WDR37: variants seen among roughly 807,000 people sequenced by gnomAD.
WDR37 encodes WD repeat domain 37.
Under a neutral mutation model 62.9 loss-of-function variants are expected in WDR37, and 19 were observed. The ratio of observed to expected loss-of-function variants is 0.30; its 90% CI spans 0.21 to 0.44. WDR37 has a LOEUF of 0.44. WDR37 is among the 20% of genes least tolerant of loss of function. The probability of loss-of-function intolerance (pLI) is 1.00; values close to 1 mark genes in which losing one functional copy is unlikely to be tolerated. For synonymous variants in WDR37, 250 were observed against 260.9 expected (o/e 0.96, Z 0.40); for missense variants, 474 against 657.6 (o/e 0.72, Z 3.05).
At chr10:1,126,738 A>C (rs898717403) in intron 13 of WDR37, among the ~76,000 whole-genome samples, 4 of 152,168 alleles carry the variant, frequency 2.6e-5, no homozygotes, top group African/African-American at 9.7e-5. Context: ...GGCACGTGCG[A>C]AAGTGGGGGT....
chr10:1,121,685 T>C lies in WDR37; in HGVS notation c.1104-2533T>C, dbSNP rs1456057689. ...GGGAGGGGTCTGCTCTAGTTTCTAA[T>C]GTGCCTGGGCAGGGCGGCTGCTACA... On this transcript the variant is annotated intron_variant, in intron 11 of 13. Coordinates refer to ENST00000263150, the MANE Select transcript of WDR37 (RefSeq NM_014023.4). This position sits in a 1 kb window ranked among gnomAD's most constrained non-coding sequence, Gnocchi z 4.5. 2.0e-5 allele frequency among the ~76,000 whole-genome samples: 3 copies of C among 152,198 alleles called. No individual in the cohort carries two copies. Among genetic ancestry groups the C allele is most frequent in the African/African-American group, 7.2e-5 (3 of 41,440 alleles).
chr10:1,077,820 TA>T, intron 2 of WDR37, 86 bp from the exon 3 acceptor site: 1 of 976,626 alleles, frequency 1.0e-6, no homozygotes, highest in East Asian at 2.5e-5. Context: ...GAGTTTACAA[TA>T]AAAGATAATT....
intron 1 of WDR37, among the ~76,000 whole-genome samples, chr10:1,068,753 C>T (rs543146393): frequency 1.3e-4 from 20 of 152,098 alleles, no homozygotes; most frequent in Admixed American, 6.5e-4. Context: ...CCAGGTATAC[C>T]CAAGAGAAAT....
chr10:1,114,136 T>C (rs1021764471), intron 11 of WDR37, among the ~76,000 whole-genome samples: 1 of 151,996 alleles, frequency 6.6e-6, no homozygotes, highest in African/African-American at 2.4e-5. Flanking sequence ...TTTACATTTT[T>C]AGTAGAGACA....
intron 5 of WDR37, among the ~76,000 whole-genome samples, chr10:1,083,376 CG>C (rs1834092287): frequency 1.3e-5 from 2 of 152,284 alleles, no homozygotes; most frequent in South Asian, 4.1e-4. Context: ...CTCGAGGGTG[CG>C]GACCCAAATC....
chr10:1,080,342 A>G, intron 4 of WDR37, 70 bp from the exon 5 acceptor site: 1 of 1,596,526 alleles, frequency 6.3e-7, no homozygotes, highest in Non-Finnish European at 8.6e-7. Flanking sequence ...GCAAGACACA[A>G]GACCCATTTG....
At chr10:1,069,129 A>G (rs1833641672) in intron 1 of WDR37, among the ~76,000 whole-genome samples, 1 of 152,034 alleles carries the variant, frequency 6.6e-6, no homozygotes, top group South Asian at 2.1e-4. Context: ...TGTGGTAATG[A>G]TCGCACAACT....
chr10:1,129,690 TTGCGG>T lies in WDR37; in HGVS notation c.*347_*351del. On this transcript the variant is annotated 3_prime_UTR_variant, in exon 14 of 14. Transcript: ENST00000263150. ...ATTAAATGTGAACTTCTGTATTACG[TTGCGG>T]CGTCGGCAGTCCTGCGTTCCCTGGA... 2.7e-5 allele frequency: 5 copies of T among 183,650 alleles called. No homozygotes were observed. The highest frequency in any genetic ancestry group is 1.1e-4 in the South Asian group (1 of 9,002). The allele number at this position is 183,650 out of a possible 1,614,324, so 11.4% of individuals were successfully genotyped here. A position where few individuals can be genotyped will look rare whatever the true frequency, so the allele number is the denominator to read the frequency against.
chr10:1,093,359 A>G (rs954093745), intron 7 of WDR37, 93 bp from the exon 8 acceptor site: 4 of 973,888 alleles, frequency 4.1e-6, no homozygotes, highest in Non-Finnish European at 4.7e-6. Flanking sequence ...AGTTCTTTTA[A>G]TGTTGACTTT....
At chr10:1,124,883 C>T (rs1835693777) in intron 12 of WDR37, 27 bp from the exon 13 acceptor site, 1 of 1,612,434 alleles carries the variant, frequency 6.2e-7, no homozygotes, top group Non-Finnish European at 8.5e-7. Flanking sequence ...GTTTCATGCA[C>T]AACCCACTTT....
intron 6 of WDR37, 88 bp downstream of exon 6, chr10:1,084,626 G>A (rs1589092420): frequency 1.9e-6 from 3 of 1,559,922 alleles, no homozygotes; most frequent in East Asian, 2.3e-5. Flanking sequence ...TGTGGCAGAG[G>A]AACCCTAGAT....
At chr10:1,125,581 GGCATGCGGAACGAGCTCTTTGGT>G (rs1221344360) in intron 13 of WDR37, among the ~76,000 whole-genome samples, 2 of 152,224 alleles carry the variant, frequency 1.3e-5, no homozygotes, top group Non-Finnish European at 2.9e-5. Context: ...CTGTTTCACA[GGCATGCGGAACGAGCTCTTTGGT>G]GCACGTGTTA....
chr10:1,074,605 C>A, intron 2 of WDR37: 3 of 1,082,882 alleles, frequency 2.8e-6, no homozygotes, highest in Non-Finnish European at 3.8e-6. Context: ...CTGCCGTGGG[C>A]GGGAGAGAGC....
intron 3 of WDR37, among the ~76,000 whole-genome samples, chr10:1,079,541 CTT>C (rs944071163): frequency 6.9e-6 from 1 of 144,718 alleles, no homozygotes. Context: ...TTCTTTCTTT[CTT>C]TTTTTTTTTG....
rs1589088100 is a variant in WDR37 at position 1,079,859 on chromosome 10, G to A, written c.236-152G>A. The stretch of plus-strand genomic sequence containing the variant: ...TTCTTTAGTTTTTTGAGAACTCTAT[G>A]AATTGTGATCTTGCTTATTAGAATA... On this transcript the variant is annotated intron_variant, in intron 3 of 13. Transcript: ENST00000263150. 1.3e-5 allele frequency: 8 copies of A among 612,676 alleles called. No individual in the cohort carries two copies. The East Asian group carries it at 2.3e-4, about 18-fold the overall frequency. The allele number at this position is 612,676 out of a possible 1,614,324, so 38.0% of individuals were successfully genotyped here. A position where few individuals can be genotyped will look rare whatever the true frequency, so the allele number is the denominator to read the frequency against.
At position 1,105,284 on chromosome 10, in the gene WDR37, T is replaced by G. The variant is rs1344118756; in HGVS notation, c.1103+17T>G. 4.3e-6 allele frequency: 7 copies of G among 1,611,864 alleles called. No individual in the cohort carries two copies. Among genetic ancestry groups the G allele is most frequent in the Non-Finnish European group, 5.9e-6 (7 of 1,178,834 alleles). ...ACACACGGAGTGAGTTGCGGTAGTTTAGACATCTGTCCTTAGTCATGAAAA... is the reference window on the plus strand; with the variant it reads ...ACACACGGAGTGAGTTGCGGTAGTTGAGACATCTGTCCTTAGTCATGAAAA... On this transcript the variant is annotated intron_variant, in intron 11 of 13. Coordinates refer to ENST00000263150, the MANE Select transcript of WDR37 (RefSeq NM_014023.4). This position sits in a 1 kb window ranked among gnomAD's most constrained non-coding sequence, Gnocchi z 5.3.
chr10:1,083,469 T>C (rs964771691), intron 5 of WDR37, among the ~76,000 whole-genome samples: 1 of 152,250 alleles, frequency 6.6e-6, no homozygotes, highest in African/African-American at 2.4e-5. Flanking sequence ...AATCAGTGTT[T>C]GAAACAAGTT....
Position 1,056,694 on chromosome 10 carries a change from G to A in WDR37, c.-315G>A, listed in dbSNP as rs1243190443. The A allele has an allele frequency of 1.3e-5, 2 of 152,326 alleles. No individual in the cohort carries two copies. Among genetic ancestry groups the A allele is most frequent in the African/African-American group, 4.8e-5 (2 of 41,466 alleles). The allele number at this position is 152,326 out of a possible 1,614,324, so 9.4% of individuals were successfully genotyped here. On this transcript the variant is annotated 5_prime_UTR_variant, in exon 1 of 14. Transcript: ENST00000263150. Reference sequence around the variant, plus strand: ...CGCGCCCAGACCCCTCGGGGCTGCGGGGCGGAAGCCGGGGCGTGACTTCCG... The same window carrying A: ...CGCGCCCAGACCCCTCGGGGCTGCGAGGCGGAAGCCGGGGCGTGACTTCCG...
chr10:1,059,816 G>T (rs1316115228), intron 1 of WDR37, among the ~76,000 whole-genome samples: 1 of 152,128 alleles, frequency 6.6e-6, no homozygotes, highest in Non-Finnish European at 1.5e-5. Context: ...ATATATAAAA[G>T]AATCTTTTGA....
Sources: gnomAD v4.1 joint callset for allele counts (sites outside exome capture counted in the v4.1 genomes callset) on GRCh38, gnomAD v4.1.1 for gene constraint, Gnocchi (gnomAD v3.1) non-coding constraint, MANE v1.5 for transcripts, NCBI Gene and HGNC (gene_info 2026-07-23, HGNC 2026-07-21) for gene names.